The following PARM1 variants were observed in gnomAD, a reference collection of about 807,000 sequenced individuals.
PARM1 encodes the protein prostate androgen-regulated mucin-like protein 1, also known as WSC4, cell wall integrity and stress response component 4 homolog.
In PARM1, 14 loss-of-function variants were observed where a neutral mutation model predicts 24.6. The observed-to-expected ratio is 0.57, with a 90% confidence interval of 0.38 to 0.89. PARM1 has a LOEUF of 0.89. PARM1 is among the 40% of genes least tolerant of loss of function. The pLI, the probability that PARM1 is intolerant of heterozygous loss-of-function variation, is 0.00. For synonymous variants in PARM1, 179 were observed against 156.6 expected (o/e 1.14, Z -1.07); for missense variants, 362 against 380.4 (o/e 0.95, Z 0.40).
intron 2 of PARM1, among the ~76,000 whole-genome samples, chr4:75,028,925 AG>A (rs1434490873): frequency 1.3e-5 from 2 of 152,262 alleles, no homozygotes; most frequent in Non-Finnish European, 2.9e-5. Context: ...TGAAATAAAA[AG>A]AAAATCCCTC....
At chr4:74,952,420 TG>T (rs1721544460) in intron 1 of PARM1, among the ~76,000 whole-genome samples, 2 of 152,370 alleles carry the variant, frequency 1.3e-5, no homozygotes, top group East Asian at 3.9e-4. Flanking sequence ...TTTCTTTTGC[TG>T]TGCAGAAGCT....
At chr4:74,996,565 T>C (rs1489527329) in intron 1 of PARM1, among the ~76,000 whole-genome samples, 3 of 152,240 alleles carry the variant, frequency 2.0e-5, no homozygotes, top group African/African-American at 7.2e-5. Flanking sequence ...CAAGAAGAAA[T>C]GAATGCCCTG....
chr4:74,983,609 C>T (rs113508554), intron 1 of PARM1, among the ~76,000 whole-genome samples: 3 of 152,322 alleles, frequency 2.0e-5, no homozygotes, highest in African/African-American at 7.2e-5. Flanking sequence ...GCCCATGGCT[C>T]TATTCCTTCA....
At chr4:75,017,259 C>T (rs901698729) in intron 2 of PARM1, among the ~76,000 whole-genome samples, 3 of 152,202 alleles carry the variant, frequency 2.0e-5, no homozygotes, top group Non-Finnish European at 2.9e-5. Context: ...ATTTCAATCA[C>T]TCCCCGCTCT....
At chr4:75,021,595 T>TA in intron 2 of PARM1, among the ~76,000 whole-genome samples, 1 of 152,208 alleles carries the variant, frequency 6.6e-6, no homozygotes, top group South Asian at 2.1e-4. Context: ...AGTTTTTTTT[T>TA]ATCCTCACCC....
chr4:75,002,464 T>G (rs1722699234), intron 1 of PARM1, among the ~76,000 whole-genome samples: 1 of 152,134 alleles, frequency 6.6e-6, no homozygotes, highest in Non-Finnish European at 1.5e-5. Flanking sequence ...AATTTTTTTT[T>G]TTTTTAATTT....
rs1257245134 is a variant in PARM1 at position 75,019,997 on chromosome 4, G to A, written c.769+6847G>A. Among the ~76,000 whole-genome samples, 6 of 102,642 alleles carry A rather than the reference G, an allele frequency of 5.8e-5. No homozygotes were observed. The East Asian group carries it at 9.7e-4, about 17-fold the overall frequency. The allele number at this position is 102,642 out of a possible 152,430, so 67.3% of individuals were successfully genotyped here. A position where few individuals can be genotyped will look rare whatever the true frequency, so the allele number is the denominator to read the frequency against. On this transcript the variant is annotated intron_variant, in intron 2 of 3. Coordinates refer to ENST00000307428, the MANE Select transcript of PARM1 (RefSeq NM_015393.4). ...CGCAGTCCGGCCTGGGCGACAGAAC[G>A]AGACTCCGTCTCAAAAAAAAAAAAA...
intron 1 of PARM1, among the ~76,000 whole-genome samples, chr4:74,982,255 A>G (rs747911964): frequency 2.8e-4 from 43 of 152,168 alleles, no homozygotes; most frequent in South Asian, 8.3e-4. Flanking sequence ...GTGAACACAT[A>G]GACACAGGGA....
chr4:75,000,176 A>C (rs1722649965), intron 1 of PARM1, among the ~76,000 whole-genome samples: 1 of 152,212 alleles, frequency 6.6e-6, no homozygotes, highest in Non-Finnish European at 1.5e-5. Flanking sequence ...GAAAATCATT[A>C]GCAGTTACAA....
chr4:74,970,154 G>A (rs1169506403), intron 1 of PARM1: 1 of 152,176 alleles, frequency 6.6e-6, no homozygotes, highest in African/African-American at 2.4e-5. Context: ...AGAATTAGAG[G>A]CCACACCTCC....
At chr4:74,940,974 T>C (rs776252204) in intron 1 of PARM1, among the ~76,000 whole-genome samples, 3 of 152,318 alleles carry the variant, frequency 2.0e-5, no homozygotes, top group Non-Finnish European at 4.4e-5. Flanking sequence ...TCACTGCCAC[T>C]TGTTCACCAG....
chr4:75,037,633 T>A (rs1414682967), intron 3 of PARM1, among the ~76,000 whole-genome samples: 1 of 152,154 alleles, frequency 6.6e-6, no homozygotes, highest in African/African-American at 2.4e-5. Flanking sequence ...TGAACTGCCC[T>A]GAACCCAGGG....
chr4:74,964,368 G>A (rs951071660), intron 1 of PARM1, among the ~76,000 whole-genome samples: 1 of 152,144 alleles, frequency 6.6e-6, no homozygotes, highest in Non-Finnish European at 1.5e-5. Context: ...ACACTGTCAC[G>A]TTAAGTTCCT....
intron 1 of PARM1, among the ~76,000 whole-genome samples, chr4:75,007,326 C>T (rs1019040465): frequency 1.3e-5 from 2 of 152,190 alleles, no homozygotes; most frequent in East Asian, 3.9e-4. Context: ...CTCACATGCG[C>T]TCCTCATTGC....
chr4:75,035,223 A>G (rs1351987706), intron 3 of PARM1, among the ~76,000 whole-genome samples: 2 of 151,984 alleles, frequency 1.3e-5, no homozygotes, highest in African/African-American at 2.4e-5. Context: ...ACCACTGTCT[A>G]TTATTTTATT....
chr4:74,953,212 C>G (rs1430467764), intron 1 of PARM1, among the ~76,000 whole-genome samples: 1 of 152,188 alleles, frequency 6.6e-6, no homozygotes, highest in Non-Finnish European at 1.5e-5. Flanking sequence ...TTTGAAACTT[C>G]TTCCTCTGGA....
Position 75,012,929 on chromosome 4 carries a change from G to A in PARM1, c.548G>A (p.Ser183Asn). The change falls in exon 2 of 4, where the codon AGC (serine) becomes AAC (asparagine). Residue 183 changes from serine to asparagine, a missense_variant. Physicochemically the swap from Ser to Asn is conservative, Grantham distance 46 (BLOSUM62 1). Coordinates refer to ENST00000307428, the MANE Select transcript of PARM1 (RefSeq NM_015393.4). ...ACCAACCATAGCTCCACTGTGACCA[G>A]CACCCAACCCACTGGAGCTCCAACT... ...VTTNHSSTVT[S>N]TQPTGAPTAP... 1 of 1,613,944 alleles carries A rather than the reference G, an allele frequency of 6.2e-7. No individual in the cohort carries two copies. The highest frequency in any genetic ancestry group is 8.5e-7 in the Non-Finnish European group (1 of 1,179,896).
intron 3 of PARM1, among the ~76,000 whole-genome samples, chr4:75,040,706 C>G (rs764001466): frequency 6.6e-6 from 1 of 152,174 alleles, no homozygotes. Flanking sequence ...GAAGGGTATA[C>G]GGGAAATCTT....
At chr4:74,940,496 G>A (rs1048315469) in intron 1 of PARM1, among the ~76,000 whole-genome samples, 8 of 152,350 alleles carry the variant, frequency 5.3e-5, no homozygotes, top group African/African-American at 1.7e-4. Flanking sequence ...TGTGGTGGAA[G>A]GGGTAAGGCA....
Sources: allele counts gnomAD v4.1 joint callset (sites outside exome capture counted in the v4.1 genomes callset), GRCh38; gene constraint gnomAD v4.1.1; transcripts MANE v1.5; gene names NCBI Gene and HGNC (gene_info 2026-07-23, HGNC 2026-07-21).